The following AXDND1 variants were observed in gnomAD, a reference collection of about 807,000 sequenced individuals.
AXDND1 encodes axonemal dynein light chain domain containing 1.
A neutral mutation model predicts 137.5 loss-of-function variants in AXDND1; 110 were observed. That is an observed-to-expected ratio of 0.80 (90% confidence interval 0.69 to 0.94). The LOEUF (loss-of-function observed/expected upper bound fraction) is 0.94, where lower values mean the gene tolerates loss of function less well. Among genes scored for constraint, AXDND1 ranks in the 40% least tolerant of loss-of-function variants. The pLI, the probability that AXDND1 is intolerant of heterozygous loss-of-function variation, is 0.00. For synonymous variants in AXDND1, 414 were observed against 399.7 expected, an observed-to-expected ratio of 1.04 and a Z score of -0.43; for missense variants, 1,191 against 1,169.8, an observed-to-expected ratio of 1.02 and a Z score of -0.26.
chr1:179,388,973 A>ATTTTTTTTTTTTTTTTTTTTTT (rs200417239), intron 9 of AXDND1, among the ~76,000 whole-genome samples: 1 of 76,532 alleles, frequency 1.3e-5, no homozygotes. Context: ...TCATTTTTAG[A>ATTTTTTTTTTTTTTTTTTTTTT]TTCTTTTTTT....
intron 17 of AXDND1, 129 bp from the exon 18 acceptor site, chr1:179,482,999 A>T (rs896471684): frequency 1.1e-5 from 6 of 533,908 alleles, no homozygotes; most frequent in Non-Finnish European, 1.9e-5. Flanking sequence ...CCCTTTCCTC[A>T]GTTCTCAAGC....
chr1:179,531,927 T>C (rs1405644945), intron 23 of AXDND1, among the ~76,000 whole-genome samples: 2 of 152,194 alleles, frequency 1.3e-5, no homozygotes, highest in Non-Finnish European at 2.9e-5. Context: ...CTCTGTCATA[T>C]AGTGAGTAAA....
intron 11 of AXDND1, among the ~76,000 whole-genome samples, chr1:179,399,957 C>T (rs1651704748): frequency 6.6e-6 from 1 of 152,204 alleles, no homozygotes; most frequent in Admixed American, 6.5e-5. Context: ...TTAGGGAACA[C>T]TTCTACACTG....
intron 20 of AXDND1, among the ~76,000 whole-genome samples, chr1:179,506,096 G>A (rs1228587527): frequency 6.6e-6 from 1 of 152,078 alleles, no homozygotes; most frequent in Non-Finnish European, 1.5e-5. Flanking sequence ...CTGCAGCCTA[G>A]AACAGCTACT....
chr1:179,447,417 A>G (rs558385800), intron 16 of AXDND1, among the ~76,000 whole-genome samples: 1 of 152,366 alleles, frequency 6.6e-6, no homozygotes, highest in Non-Finnish European at 1.5e-5. Flanking sequence ...GCAAATTTCC[A>G]TAATCTGATT....
chr1:179,537,795 G>A (rs1056298949), intron 25 of AXDND1, among the ~76,000 whole-genome samples: 19 of 152,112 alleles, frequency 1.2e-4, no homozygotes, highest in Admixed American at 1.2e-3. Flanking sequence ...ACCTCTGGTA[G>A]AATTTGGCTG....
chr1:179,465,164 T>C (rs12130173), intron 16 of AXDND1, among the ~76,000 whole-genome samples: 35,060 of 152,094 alleles, frequency 0.23, 4,366 homozygotes, highest in East Asian at 0.35. Context: ...CCGTTGCTGT[T>C]GAGGAGCTGT....
chr1:179,390,596 G>T (rs1482411451), intron 9 of AXDND1, among the ~76,000 whole-genome samples: 1 of 152,080 alleles, frequency 6.6e-6, no homozygotes, highest in Non-Finnish European at 1.5e-5. Context: ...ATCGTTTCTA[G>T]TCTCAAAGAA....
chr1:179,444,684 T>C (rs142292615), intron 15 of AXDND1, among the ~76,000 whole-genome samples: 36 of 135,986 alleles, frequency 2.6e-4, no homozygotes, highest in South Asian at 2.0e-3. Context: ...TTGTAGGACT[T>C]AATTGCTTAT....
intron 20 of AXDND1, among the ~76,000 whole-genome samples, chr1:179,496,590 T>C (rs1667469515): frequency 6.6e-6 from 1 of 151,854 alleles, no homozygotes; most frequent in Non-Finnish European, 1.5e-5. Flanking sequence ...CTCTCTCTTT[T>C]TGTTTTCATG....
At chr1:179,552,973 A>G (rs910809525) in intron 25 of AXDND1, among the ~76,000 whole-genome samples, 15 of 152,234 alleles carry the variant, frequency 9.9e-5, no homozygotes, top group African/African-American at 3.6e-4. Flanking sequence ...CGCTTAGGAT[A>G]TAATCTAAGC....
At chr1:179,518,970 C>T (rs1334045832) in intron 21 of AXDND1, among the ~76,000 whole-genome samples, 1 of 152,188 alleles carries the variant, frequency 6.6e-6, no homozygotes, top group African/African-American at 2.4e-5. Flanking sequence ...ACCACGCTGT[C>T]TTCCACCATG....
At position 179,429,614 on chromosome 1, in the gene AXDND1, A is replaced by G. The variant is rs769018214; in HGVS notation, c.1327A>G (p.Asn443Asp). 6.4e-7 allele frequency: 1 copy of G among 1,561,930 alleles called. No individual in the cohort carries two copies. Among genetic ancestry groups the G allele is most frequent in the Non-Finnish European group, 8.6e-7 (1 of 1,156,566 alleles). Residue 443 changes from asparagine (N) to aspartate (D), a missense_variant, in exon 13 of 26, where the codon AAC becomes GAC. Coordinates refer to ENST00000367618, the MANE Select transcript of AXDND1 (RefSeq NM_144696.6). ...YTKHFIILLS[N>D]KDTEDLALLQ... ...TAAGCATTTCATCATACTGCTATCA[A>G]ACAAGGTAAAGGTCAATTATCTTCA...
intron 18 of AXDND1, among the ~76,000 whole-genome samples, chr1:179,487,376 T>C (rs1345443988): frequency 6.7e-6 from 1 of 148,324 alleles, no homozygotes; most frequent in African/African-American, 2.6e-5. Context: ...TATTTCTGAT[T>C]TGCATGCAAA....
intron 4 of AXDND1, among the ~76,000 whole-genome samples, chr1:179,375,060 T>A (rs1433293225): frequency 6.6e-6 from 1 of 151,758 alleles, no homozygotes; most frequent in Non-Finnish European, 1.5e-5. Flanking sequence ...TTGAGAGAAT[T>A]TGAGTGATGA....
At chr1:179,443,193 ACAG>A (rs1395848713) in intron 15 of AXDND1, among the ~76,000 whole-genome samples, 1 of 152,122 alleles carries the variant, frequency 6.6e-6, no homozygotes, top group Non-Finnish European at 1.5e-5. Context: ...TTCATGATAA[ACAG>A]TTTGCTGTTT....
chr1:179,535,135 A>C, intron 25 of AXDND1, 173 bp downstream of exon 25: 2 of 938,504 alleles, frequency 2.1e-6, no homozygotes, highest in Non-Finnish European at 1.6e-6. Flanking sequence ...CGGACAACTC[A>C]CAAAAAGGAA....
chr1:179,388,128 G>A (rs1649523684), intron 9 of AXDND1, among the ~76,000 whole-genome samples: 1 of 152,084 alleles, frequency 6.6e-6, no homozygotes. Context: ...TGTAGGGTTT[G>A]CTTTATTTAT....
intron 18 of AXDND1, among the ~76,000 whole-genome samples, chr1:179,486,132 A>C (rs1361089636): frequency 8.7e-6 from 1 of 115,302 alleles, no homozygotes; most frequent in African/African-American, 2.9e-5. Flanking sequence ...AAAAAAAAAA[A>C]AAAAAAAAAC....
Sources: allele counts gnomAD v4.1 joint callset (sites outside exome capture counted in the v4.1 genomes callset), GRCh38; gene constraint gnomAD v4.1.1; transcripts MANE v1.5; gene names NCBI Gene and HGNC (gene_info 2026-07-23, HGNC 2026-07-21).